Variants in FCHO2 observed in about 807,000 individuals in gnomAD.
FCHO2 encodes FCH and mu domain containing endocytic adaptor 2, also known as F-BAR domain only protein 2.
FCHO2 carries 43 observed loss-of-function variants against 114.1 expected under a neutral mutation model. That is an observed-to-expected ratio of 0.38 (90% CI 0.30 to 0.49). The LOEUF is 0.49. Ranked by LOEUF, FCHO2 falls within the 20% of genes least tolerant of loss-of-function variation. FCHO2 has a pLI of 0.97. For missense variants in FCHO2, 807 were observed against 950.4 expected (o/e 0.85, Z 1.98); for synonymous variants, 293 against 315.2 (o/e 0.93, Z 0.75).
At chr5:73,076,113 C>A (rs1041179909) in intron 20 of FCHO2, among the ~76,000 whole-genome samples, 2 of 152,072 alleles carry the variant, frequency 1.3e-5, no homozygotes, top group African/African-American at 4.8e-5. Flanking sequence ...AACCAATAGA[C>A]CCGTGTCTAG....
In FCHO2 at chr5:73,087,665, C is replaced by A. The variant is rs956249113; in HGVS notation, c.2322C>A (p.Leu774=). Residue 774 remains leucine (L), a synonymous_variant, in exon 25 of 26, where the codon CTC becomes CTA. Coordinates refer to ENST00000430046, the MANE Select transcript of FCHO2 (RefSeq NM_138782.3). ...CCACGACACTTGCAGTACAATTCCT[C>A]AGCGAGGGAAGTACCCTTTCAGGAG... ...SKPTTLAVQF[L]SEGSTLSGVD... 1.9e-6 allele frequency: 3 copies of A among 1,613,784 alleles called. No homozygotes were observed. The African/African-American group carries it at 4.0e-5, about 22-fold the overall frequency.
At chr5:72,971,392 T>C (rs1752544503) in intron 2 of FCHO2, among the ~76,000 whole-genome samples, 1 of 152,180 alleles carries the variant, frequency 6.6e-6, no homozygotes, top group African/African-American at 2.4e-5. Context: ...TGATTGCCAT[T>C]CTAACTGGTG....
intron 6 of FCHO2, among the ~76,000 whole-genome samples, chr5:73,008,859 A>G (rs1052904257): frequency 4.6e-5 from 7 of 152,210 alleles, no homozygotes; most frequent in African/African-American, 1.7e-4. Flanking sequence ...ATGGCATTCT[A>G]AATAATACTA....
intron 11 of FCHO2, among the ~76,000 whole-genome samples, chr5:73,046,863 T>A (rs1365647769): frequency 6.6e-6 from 1 of 152,210 alleles, no homozygotes; most frequent in Non-Finnish European, 1.5e-5. Flanking sequence ...TTAGACTGTT[T>A]ATTTAGTCTG....
chr5:73,024,946 A>G (rs575129491), intron 8 of FCHO2, among the ~76,000 whole-genome samples: 19 of 152,292 alleles, frequency 1.2e-4, no homozygotes, highest in Middle Eastern at 3.4e-3. Flanking sequence ...AGATATACGA[A>G]GTCATGTAGA....
chr5:73,050,294 C>CTATCTATTTATTTATT lies in FCHO2; in HGVS notation c.940-1052_940-1051insCTATTTATTTATTTAT, dbSNP rs550283829. Among the ~76,000 whole-genome samples, 368 of 123,578 alleles carry CTATCTATTTATTTATT rather than the reference C, an allele frequency of 3.0e-3. 2 individuals are homozygous for CTATCTATTTATTTATT. Among genetic ancestry groups the CTATCTATTTATTTATT allele is most frequent in the African/African-American group, 9.7e-3 (348 of 35,748 alleles). The allele number at this position is 123,578 out of a possible 152,430, so 81.1% of individuals were successfully genotyped here. The stretch of plus-strand genomic sequence containing the variant: ...CCCTCCCTCTCTGTTTAGCTTTCTG[C>CTATCTATTTATTTATT]TATTTATTTATTTATTTATTTATTT... On this transcript the variant is annotated intron_variant, in intron 11 of 25. Transcript: ENST00000430046.
intron 11 of FCHO2, among the ~76,000 whole-genome samples, chr5:73,043,711 TTTAAG>T (rs1426268529): frequency 6.6e-6 from 1 of 152,150 alleles, no homozygotes; most frequent in Admixed American, 6.5e-5. Context: ...AGTATGATAT[TTTAAG>T]TGATTGCTGT....
Position 73,026,787 on chromosome 5 carries a change from G to A in FCHO2, c.797-7870G>A, listed in dbSNP as rs147770014. Among the ~76,000 whole-genome samples, 285 of 152,088 alleles carry A rather than the reference G, an allele frequency of 1.9e-3. 3 individuals carry two copies. The highest frequency in any genetic ancestry group is 6.4e-3 in the African/African-American group (265 of 41,488). ...GCTCAGTGCAACCTCCACCTCCCGG[G>A]TTCAAGCAATTCTCATGCCTCAGCC... On this transcript the variant is annotated intron_variant, in intron 8 of 25. Transcript: ENST00000430046.
chr5:72,968,440 A>G, intron 1 of FCHO2, 58 bp from the exon 2 acceptor site: 1 of 1,239,880 alleles, frequency 8.1e-7, no homozygotes, highest in South Asian at 1.6e-5. Flanking sequence ...GGCTTTTTAT[A>G]TTCTCAAGTC....
intron 15 of FCHO2, 111 bp from the exon 16 acceptor site, chr5:73,055,954 C>T: frequency 1.4e-6 from 1 of 697,828 alleles, no homozygotes; most frequent in Non-Finnish European, 2.3e-6. Context: ...TTATCAATTC[C>T]AAAATTTTTA....
chr5:73,040,811 T>C (rs988169796), intron 10 of FCHO2, among the ~76,000 whole-genome samples: 1 of 152,172 alleles, frequency 6.6e-6, no homozygotes, highest in African/African-American at 2.4e-5. Context: ...AATTGTATTT[T>C]TTCCAGTAGT....
intron 11 of FCHO2, 124 bp from the exon 12 acceptor site, chr5:73,051,225 C>T: frequency 1.7e-6 from 1 of 602,052 alleles, no homozygotes; most frequent in South Asian, 2.1e-5. Context: ...TTCATCATTT[C>T]ATTAACCTGT....
Position 73,089,171 on chromosome 5 carries a change from G to A in FCHO2, c.*1081G>A, listed in dbSNP as rs1185767953. On this transcript the variant is annotated 3_prime_UTR_variant, in exon 26 of 26. Transcript: ENST00000430046. ...ACTTGACATTAACCTCATCAAAAGT[G>A]TGTGAATTTTAAAACAAATTCTAAA... The A allele has an allele frequency of 6.6e-6, 1 of 152,494 alleles. No homozygotes were observed. Among genetic ancestry groups the A allele is most frequent in the Non-Finnish European group, 1.5e-5 (1 of 67,964 alleles). 9.4% of individuals were successfully genotyped at this position (152,494 alleles called of 1,614,324 possible). A position where few individuals can be genotyped will look rare whatever the true frequency, so the allele number is the denominator to read the frequency against.
At chr5:73,064,597 C>T (rs962016760) in intron 18 of FCHO2, among the ~76,000 whole-genome samples, 1 of 152,000 alleles carries the variant, frequency 6.6e-6, no homozygotes, top group Non-Finnish European at 1.5e-5. Context: ...TACACATTTC[C>T]AGTGGTTTCT....
intron 17 of FCHO2, among the ~76,000 whole-genome samples, chr5:73,062,802 C>G (rs1187872772): frequency 1.3e-5 from 2 of 151,948 alleles, no homozygotes; most frequent in East Asian, 3.9e-4. Flanking sequence ...TTCATGCCTC[C>G]TTGATTCCTC....
At chr5:72,985,722 G>T (rs1417663138) in intron 2 of FCHO2, among the ~76,000 whole-genome samples, 1 of 151,904 alleles carries the variant, frequency 6.6e-6, no homozygotes, top group Admixed American at 6.6e-5. Context: ...TCTAGTTATT[G>T]GTTCTTTGAA....
Position 72,989,483 on chromosome 5 carries a change from G to A in FCHO2, c.182G>A (p.Ser61Asn). ...ATGACAAAACTAGCAAAATCTGCAA[G>A]CAATTATTCACAACTTGGGTGAGTT... Reference protein sequence around the residue: ...RSMTKLAKSASNYSQLGTFAP... With the variant: ...RSMTKLAKSANNYSQLGTFAP... Residue 61 changes from serine (S) to asparagine (N), a missense_variant, in exon 3 of 26, where the codon AGC (serine) becomes AAC (asparagine). By Grantham distance (46) the Ser-to-Asn change is conservative (BLOSUM62 1). Transcript: ENST00000430046. The A allele has an allele frequency of 6.2e-7, 1 of 1,604,440 alleles. No individual in the cohort carries two copies. The highest frequency in any genetic ancestry group is 8.5e-7 in the Non-Finnish European group (1 of 1,175,072).
At chr5:73,073,151 T>C (rs774383733) in intron 19 of FCHO2, among the ~76,000 whole-genome samples, 19 of 152,044 alleles carry the variant, frequency 1.2e-4, no homozygotes, top group Non-Finnish European at 2.6e-4. Context: ...CCAAAACTAA[T>C]GACACTTGAT....
intron 5 of FCHO2, among the ~76,000 whole-genome samples, chr5:73,005,756 G>T (rs1754682861): frequency 6.6e-6 from 1 of 151,828 alleles, no homozygotes; most frequent in Admixed American, 6.6e-5. Context: ...TGCAATTTCT[G>T]TTTATGTATA....
Sources: allele counts gnomAD v4.1 joint callset (sites outside exome capture counted in the v4.1 genomes callset), GRCh38; gene constraint gnomAD v4.1.1; transcripts MANE v1.5; gene names NCBI Gene and HGNC (gene_info 2026-07-23, HGNC 2026-07-21).